PRKX: variants seen among roughly 807,000 people sequenced by gnomAD.
PRKX encodes cAMP-dependent protein kinase catalytic subunit PRKX.
In PRKX, 12 loss-of-function variants were observed where a neutral mutation model predicts 22.0. The observed-to-expected ratio is 0.54, with a 90% CI of 0.35 to 0.88. The LOEUF is 0.88. Ranked by LOEUF, PRKX falls within the 40% of genes least tolerant of loss-of-function variation. The pLI, the probability that PRKX is intolerant of heterozygous loss-of-function variation, is 0.01. For missense variants in PRKX, 217 were observed against 308.0 expected (o/e 0.70, Z 2.21); for synonymous variants, 134 against 137.7 (o/e 0.97, Z 0.19).
At chrX:3,643,004 CAAAAAAAAAAAAAA>C (rs60090711) in intron 3 of PRKX, among the ~76,000 whole-genome samples, 10 of 27,560 alleles carry the variant, frequency 3.6e-4, no homozygotes, top group African/African-American at 1.7e-3. Flanking sequence ...GACTCTCTCT[CAAAAAAAAAAAAAA>C]AAAAAAAAAA....
At chrX:3,657,701 G>A (rs867712894) in intron 2 of PRKX, among the ~76,000 whole-genome samples, 2 of 111,594 alleles carry the variant, frequency 1.8e-5, no homozygotes, top group African/African-American at 6.5e-5. Context: ...CTTTTAAAAA[G>A]CCCCAAATGA....
intron 1 of PRKX, among the ~76,000 whole-genome samples, chrX:3,705,696 T>C (rs1928667716): frequency 9.2e-6 from 1 of 109,198 alleles, no homozygotes; most frequent in Non-Finnish European, 1.9e-5. Flanking sequence ...CTTTTCTTTT[T>C]TTTTTTTTGA....
chrX:3,692,635 C>G (rs1234420093), intron 1 of PRKX, among the ~76,000 whole-genome samples: 1 of 107,956 alleles, frequency 9.3e-6, no homozygotes, highest in Admixed American at 1.0e-4. Flanking sequence ...TCACGCCATT[C>G]TCCTGCCTCA....
intron 2 of PRKX, 33 bp from the exon 3 acceptor site, chrX:3,655,445 CGCCAAG>C: frequency 1.7e-6 from 2 of 1,207,971 alleles, no homozygotes; most frequent in South Asian, 3.5e-5. Context: ...CTCAGGGCCC[CGCCAAG>C]GCAGGGCAGG....
intron 1 of PRKX, among the ~76,000 whole-genome samples, chrX:3,704,496 C>A (rs1489285978): frequency 1.1e-3 from 120 of 111,072 alleles, no homozygotes; most frequent in Middle Eastern, 4.6e-3. Context: ...GAGACTATCT[C>A]TACCAAAAAA....
chrX:3,654,610 G>A lies in PRKX; in HGVS notation c.599+539C>T, dbSNP rs571212709. Among the ~76,000 whole-genome samples, 337 of 106,155 alleles carry A rather than the reference G, an allele frequency of 3.2e-3. 3 individuals carry two copies. The highest frequency in any genetic ancestry group is 0.011 in the African/African-American group (308 of 29,143). 92.2% of individuals were successfully genotyped at this position (106,155 alleles called of 115,157 possible). A position where few individuals can be genotyped will look rare whatever the true frequency, so the allele number is the denominator to read the frequency against. ...CAACCTCAGCCTCCTAAGTAGCTGG[G>A]ACTACAGGGATCCACCACCATAATC... On this transcript the variant is annotated intron_variant, in intron 3 of 8. Transcript: ENST00000262848.
intron 3 of PRKX, among the ~76,000 whole-genome samples, chrX:3,646,694 G>C (rs1441765489): frequency 1.8e-5 from 2 of 110,661 alleles, no homozygotes; most frequent in Non-Finnish European, 3.8e-5. Flanking sequence ...GGAAGATTTT[G>C]TCATCTTTTT....
At chrX:3,654,465 T>G (rs111802277) in intron 3 of PRKX, among the ~76,000 whole-genome samples, 66 of 38,795 alleles carry the variant, frequency 1.7e-3, no homozygotes, top group African/African-American at 4.2e-3. Flanking sequence ...TGGTTTTTTT[T>G]TTTTTTTTTT....
intron 1 of PRKX, among the ~76,000 whole-genome samples, chrX:3,687,994 G>A (rs762842957): frequency 8.9e-5 from 10 of 111,916 alleles, no homozygotes; most frequent in Non-Finnish European, 1.9e-4. Context: ...TTGGCTGGGC[G>A]TGACAGCACA....
rs187709077 is a variant in PRKX, at chrX:3,685,095, G to A, written c.167-10329C>T. 2.7e-5 allele frequency among the ~76,000 whole-genome samples: 3 copies of A among 111,619 alleles called. No individual in the cohort carries two copies. The Admixed American group carries it at 2.9e-4, about 11-fold the overall frequency. On this transcript the variant is annotated intron_variant, in intron 1 of 8. Transcript: ENST00000262848. ...GCCTCTCAAAGTGCTGGGATTACACGCATGAGCCACAACGCCTGGCCTAAA... is the reference window on the plus strand; with the variant it reads ...GCCTCTCAAAGTGCTGGGATTACACACATGAGCCACAACGCCTGGCCTAAA...
chrX:3,632,069 G>C (rs1318813952), intron 4 of PRKX, among the ~76,000 whole-genome samples: 2 of 112,088 alleles, frequency 1.8e-5, no homozygotes, highest in East Asian at 5.6e-4. Flanking sequence ...AGGTGACAGA[G>C]AAGTGGGGGT....
intron 6 of PRKX, among the ~76,000 whole-genome samples, chrX:3,618,347 G>A (rs1158071432): frequency 9.0e-6 from 1 of 111,608 alleles, no homozygotes; most frequent in African/African-American, 3.3e-5. Context: ...GCTGGGTGCA[G>A]TGGCTCTTGC....
chrX:3,643,383 A>G (rs1309939332), intron 3 of PRKX, among the ~76,000 whole-genome samples: 1 of 112,020 alleles, frequency 8.9e-6, no homozygotes, highest in Non-Finnish European at 1.9e-5. Context: ...AGAATCTGCT[A>G]AATAAAGTCA....
At chrX:3,653,826 A>T (rs1927401710) in intron 3 of PRKX, among the ~76,000 whole-genome samples, 1 of 71,777 alleles carries the variant, frequency 1.4e-5, no homozygotes, top group Non-Finnish European at 2.4e-5. Flanking sequence ...TGTGATATAT[A>T]TATTATATAT....
At chrX:3,660,429 C>T (rs1444538432) in intron 2 of PRKX, among the ~76,000 whole-genome samples, 1 of 111,974 alleles carries the variant, frequency 8.9e-6, no homozygotes, top group Non-Finnish European at 1.9e-5. Context: ...ATACATGGCT[C>T]TACTTCCCTA....
chrX:3,708,761 G>A (rs1367977336), intron 1 of PRKX, among the ~76,000 whole-genome samples: 2 of 109,121 alleles, frequency 1.8e-5, no homozygotes, highest in South Asian at 4.0e-4. Context: ...CTCCTCGGGA[G>A]GCTGAGGCAG....
intron 2 of PRKX, among the ~76,000 whole-genome samples, chrX:3,664,889 C>G (rs1017262730): frequency 6.3e-5 from 7 of 111,813 alleles, no homozygotes; most frequent in African/African-American, 2.3e-4. Flanking sequence ...TAAGGGGTAC[C>G]CTAGAAGCCC....
intron 1 of PRKX, among the ~76,000 whole-genome samples, chrX:3,689,462 C>A (rs184081551): frequency 1.8e-3 from 199 of 111,878 alleles, no homozygotes; most frequent in African/African-American, 6.3e-3. Context: ...GGAAGGACAT[C>A]AGTTCAGGAG....
At chrX:3,691,264 T>C (rs1443398648) in intron 1 of PRKX, among the ~76,000 whole-genome samples, 2 of 111,168 alleles carry the variant, frequency 1.8e-5, no homozygotes, top group African/African-American at 6.5e-5. Flanking sequence ...AATACATACT[T>C]TTGCAGCAAT....
Sources: allele counts gnomAD v4.1 joint callset (sites outside exome capture counted in the v4.1 genomes callset), GRCh38; gene constraint gnomAD v4.1.1; transcripts MANE v1.5; gene names NCBI Gene and HGNC (gene_info 2026-07-23, HGNC 2026-07-21).